Variants in GHRL observed in about 807,000 individuals in gnomAD.
GHRL encodes the protein ghrelin and obestatin prepropeptide.
Under a neutral mutation model 16.9 loss-of-function variants are expected in GHRL, and 24 were observed. That is an observed-to-expected ratio of 1.42 (90% confidence interval 1.03 to 2.00). The LOEUF (loss-of-function observed/expected upper bound fraction) is 2.00, where lower values mean the gene tolerates loss of function less well. Among genes scored for constraint, GHRL ranks in the 30% most tolerant of loss-of-function variants. The pLI, the probability that GHRL is intolerant of heterozygous loss-of-function variation, is 0.00. For missense variants in GHRL, 193 were observed against 142.1 expected, an observed-to-expected ratio of 1.36 and a Z score of -1.82; for synonymous variants, 63 against 58.2, an observed-to-expected ratio of 1.08 and a Z score of -0.37.
At chr3:10,292,452 T>C (rs1420456277) in intron 1 of GHRL, 6 of 207,602 alleles carry the variant, frequency 2.9e-5, no homozygotes, top group South Asian at 8.1e-5. Context: ...TCAGGGAGGA[T>C]TGGAGCTTTC....
At chr3:10,286,639 C>T in intron 5 of GHRL, 65 bp downstream of exon 5, 1 of 840,386 alleles carries the variant, frequency 1.2e-6, no homozygotes, top group Non-Finnish European at 2.1e-6. Flanking sequence ...ACTCATCACC[C>T]ACAGAGTGAA....
Position 10,292,861 on chromosome 3 carries a change from CCGGG to C in GHRL, c.-789_-786del. Reference sequence around the variant, plus strand: ...ACTTACCTGGACCCTGGAGGCCTCTCCGGGCACAGCTGCCAATGTTGATCTTAGA... The same window carrying C: ...ACTTACCTGGACCCTGGAGGCCTCTCCACAGCTGCCAATGTTGATCTTAGA... On this transcript the variant is annotated 5_prime_UTR_variant, in exon 1 of 6. The change creates a premature stop within an existing upstream ORF in the 5' untranslated region. Coordinates refer to ENST00000335542, the MANE Select transcript of GHRL (RefSeq NM_016362.5). The C allele has an allele frequency of 3.2e-6, 5 of 1,548,108 alleles. No individual in the cohort carries two copies. Among genetic ancestry groups the C allele is most frequent in the Non-Finnish European group, 4.4e-6 (5 of 1,144,364 alleles).
At chr3:10,289,569 C>A (rs995644947) in intron 4 of GHRL, among the ~76,000 whole-genome samples, 193 bp downstream of exon 4, 9 of 152,176 alleles carry the variant, frequency 5.9e-5, no homozygotes, top group African/African-American at 1.9e-4. Context: ...GTTACTTCTT[C>A]TAGATATTTT....
rs964590802 is a variant in GHRL, at chr3:10,291,231, G to T, written c.-545C>A. On this transcript the variant is annotated 5_prime_UTR_variant, in exon 2 of 6. Coordinates refer to ENST00000335542, the MANE Select transcript of GHRL (RefSeq NM_016362.5). ...GGTGATTCTACACCTTCCCGAGGAG[G>T]AGTCCCACCTCCCGGTTGAGCAGAC... 56 of 985,554 alleles carry T rather than the reference G, an allele frequency of 5.7e-5. No individual in the cohort carries two copies. The African/African-American group carries it at 8.4e-4, about 15-fold the overall frequency. The allele number at this position is 985,554 out of a possible 1,614,324, so 61.1% of individuals were successfully genotyped here.
chr3:10,286,841 A>G, intron 4 of GHRL, 29 bp from the exon 5 acceptor site: 1 of 1,327,058 alleles, frequency 7.5e-7, no homozygotes, highest in Non-Finnish European at 1.1e-6. Flanking sequence ...AGGACCCAGG[A>G]GATGTCAGAG....
At chr3:10,289,510 CCT>C (rs1237668079) in intron 4 of GHRL, among the ~76,000 whole-genome samples, 8 of 152,212 alleles carry the variant, frequency 5.3e-5, no homozygotes, top group Non-Finnish European at 1.2e-4. Context: ...GCTCTGGCAC[CCT>C]CTCTCCTCTG....
chr3:10,288,148 C>G (rs1699369236), intron 4 of GHRL: 1 of 152,290 alleles, frequency 6.6e-6, no homozygotes, highest in African/African-American at 2.4e-5. Context: ...GGCAGCTTCC[C>G]TCCTGGCCTC....
intron 4 of GHRL, chr3:10,287,401 T>C (rs544648567): frequency 6.5e-6 from 1 of 153,010 alleles, no homozygotes; most frequent in South Asian, 2.1e-4. Context: ...CTTCCATTTC[T>C]TCCCCTCTAC....
rs781328213 is a variant in GHRL, at chr3:10,291,432, G to A, written c.-746C>T. 5.0e-5 allele frequency: 49 copies of A among 985,360 alleles called. No homozygotes were observed. The highest frequency in any genetic ancestry group is 5.8e-5 in the Non-Finnish European group (48 of 829,972). 61.0% of individuals were successfully genotyped at this position (985,360 alleles called of 1,614,324 possible). Reference sequence around the variant, plus strand: ...CCCTATTTTAGCGGATGCCTCTTCTGAGAGGGAAGTGCATTGGACCTGGAG... The same window carrying A: ...CCCTATTTTAGCGGATGCCTCTTCTAAGAGGGAAGTGCATTGGACCTGGAG... On this transcript the variant is annotated 5_prime_UTR_variant, in exon 2 of 6. Transcript: ENST00000335542.
At chr3:10,291,667 C>A (rs1443966138) in intron 1 of GHRL, among the ~76,000 whole-genome samples, 1 of 152,258 alleles carries the variant, frequency 6.6e-6, no homozygotes, top group Admixed American at 6.5e-5. Context: ...GCCACTGCCT[C>A]ATTTCCCTCG....
In GHRL at chr3:10,285,849, G is replaced by T. The variant is rs375772841; in HGVS notation, c.*26C>A. The T allele has an allele frequency of 1.2e-6, 2 of 1,606,932 alleles. No individual in the cohort carries two copies. The highest frequency in any genetic ancestry group is 1.3e-5 in the African/African-American group (1 of 74,736). On this transcript the variant is annotated 3_prime_UTR_variant, in exon 6 of 6. Transcript: ENST00000335542. ...CCAGATGAGCGCTTCTAAACTTAGA[G>T]AGAGGTGAGTAAGGCTTGTGGGCGA... is the stretch of plus-strand genomic sequence containing the variant.
chr3:10,285,912 G>T lies in GHRL; in HGVS notation c.335-18C>A. On this transcript the variant is annotated intron_variant, in intron 5 of 5. Coordinates refer to ENST00000335542, the MANE Select transcript of GHRL (RefSeq NM_016362.5). ...TGGGGCCTCTGGAAAGCAAGAGGTT[G>T]AGTAAGAATGCTGGGTGCACCGTCC... is the stretch of plus-strand genomic sequence containing the variant. 1 of 1,611,064 alleles carries T rather than the reference G, an allele frequency of 6.2e-7. No homozygotes were observed. The highest frequency in any genetic ancestry group is 1.1e-5 in the South Asian group (1 of 90,964).
chr3:10,286,875 G>T, intron 4 of GHRL, 63 bp from the exon 5 acceptor site: 4 of 953,658 alleles, frequency 4.2e-6, no homozygotes, highest in South Asian at 1.3e-5. Flanking sequence ...CCATCTCAAA[G>T]GGGGCTCTGG....
rs569878913 is a variant in GHRL at position 10,289,015 on chromosome 3, A to C, written c.225+747T>G. On this transcript the variant is annotated intron_variant, in intron 4 of 5. Coordinates refer to ENST00000335542, the MANE Select transcript of GHRL (RefSeq NM_016362.5). ...GGAGGAGGTGGGGCAGTTAGAGGTG[A>C]AGTTGGTATCCTCGGGCACAGCGTC... Among the ~76,000 whole-genome samples, 30 of 152,222 alleles carry C rather than the reference A, an allele frequency of 2.0e-4. 2 individuals are homozygous for C. In the South Asian group the frequency reaches 6.0e-3, roughly 31 times the overall value.
intron 5 of GHRL, 125 bp downstream of exon 5, chr3:10,286,579 T>C: frequency 1.6e-6 from 1 of 608,758 alleles, no homozygotes. Flanking sequence ...CTGCAGATCT[T>C]TGGGAAAGGG....
intron 2 of GHRL, 84 bp from the exon 3 acceptor site, chr3:10,290,293 G>T (rs1475501431): frequency 5.2e-6 from 7 of 1,351,988 alleles, no homozygotes; most frequent in Non-Finnish European, 5.1e-6. Flanking sequence ...AGCAGATGGC[G>T]TGAAGGGCTT....
rs867146456 is a variant in GHRL, at chr3:10,290,822, C to T, written c.-136G>A. On this transcript the variant is annotated 5_prime_UTR_variant, in exon 2 of 6. Coordinates refer to ENST00000335542, the MANE Select transcript of GHRL (RefSeq NM_016362.5). ...CCCATCCCAGAGGTGGCCTAGCTTC[C>T]GTGGGGCTGATGTACATTCCTTGGG... 1.7e-5 allele frequency: 17 copies of T among 986,868 alleles called. No individual in the cohort carries two copies. In the African/African-American group the frequency reaches 1.7e-4, roughly 10 times the overall value. The allele number at this position is 986,868 out of a possible 1,614,324, so 61.1% of individuals were successfully genotyped here. A position where few individuals can be genotyped will look rare whatever the true frequency, so the allele number is the denominator to read the frequency against.
chr3:10,291,055 C>A lies in GHRL; in HGVS notation c.-369G>T. On this transcript the variant is annotated 5_prime_UTR_variant, in exon 2 of 6. The change creates a new upstream start codon in the 5' untranslated region. Transcript: ENST00000335542. The stretch of plus-strand genomic sequence containing the variant: ...GGGTGCAGCTTTGTTGCTGTGTGAC[C>A]TTAGCTTACTCGCCCTTTCTCCCTG... The A allele has an allele frequency of 1.0e-6, 1 of 985,660 alleles. No homozygotes were observed. Among genetic ancestry groups the A allele is most frequent in the Non-Finnish European group, 1.2e-6 (1 of 830,102 alleles). 61.1% of individuals were successfully genotyped at this position (985,660 alleles called of 1,614,324 possible).
chr3:10,290,319 T>TCTCTACACAGCAGTCAG, intron 2 of GHRL, 110 bp from the exon 3 acceptor site: 2 of 1,059,938 alleles, frequency 1.9e-6, no homozygotes, highest in Non-Finnish European at 2.7e-6. Flanking sequence ...TCTGGGGTCC[T>TCTCTACACAGCAGTCAG]GACTGCTGTG....
Sources: gnomAD v4.1 joint callset for allele counts (sites outside exome capture counted in the v4.1 genomes callset) on GRCh38, gnomAD v4.1.1 for gene constraint, MANE v1.5 for transcripts, NCBI Gene and HGNC (gene_info 2026-07-23, HGNC 2026-07-21) for gene names.